AP1G1: variants seen among roughly 807,000 people sequenced by gnomAD.
AP1G1 encodes the protein AP-1 complex subunit gamma-1.
In AP1G1, 7 loss-of-function variants were observed where a neutral mutation model predicts 108.3. The observed-to-expected ratio is 0.06, with a 90% CI of 0.04 to 0.12. The LOEUF (loss-of-function observed/expected upper bound fraction) is 0.12. Among genes scored for constraint, AP1G1 ranks in the 10% least tolerant of loss-of-function variants. AP1G1 has a pLI of 1.00. For synonymous variants in AP1G1, 379 were observed against 353.5 expected (o/e 1.07, Z -0.81); for missense variants, 756 against 1,010.7 (o/e 0.75, Z 3.42).
Position 71,739,421 on chromosome 16 carries a change from C to T in AP1G1, c.2000-80G>A, listed in dbSNP as rs1461657834. 1.0e-5 allele frequency: 12 copies of T among 1,143,104 alleles called. 1 individual carries two copies. Among genetic ancestry groups the T allele is most frequent in the South Asian group, 1.0e-4 (6 of 59,068 alleles). The allele number at this position is 1,143,104 out of a possible 1,614,324, so 70.8% of individuals were successfully genotyped here. On this transcript the variant is annotated intron_variant, in intron 19 of 22. Coordinates refer to ENST00000299980, the MANE Select transcript of AP1G1 (RefSeq NM_001128.6). ...CAAGAAATTATAGGGAAAATTATTT[C>T]GGTCTCAGGTTAAGGAAAGATTCCT... is the stretch of plus-strand genomic sequence containing the variant.
intron 5 of AP1G1, 138 bp from the exon 6 acceptor site, chr16:71,769,837 A>G (rs1331909898): frequency 1.6e-6 from 1 of 620,830 alleles, no homozygotes; most frequent in Non-Finnish European, 2.9e-6. Flanking sequence ...GCATCTAAGC[A>G]TTGAAGTGAA....
At chr16:71,808,035 G>C in intron 1 of AP1G1, 1 of 1,199,764 alleles carries the variant, frequency 8.3e-7, no homozygotes, top group Admixed American at 3.5e-5. Flanking sequence ...TGGTTCGATG[G>C]ATCTCCTACA....
chr16:71,807,712 C>T, intron 1 of AP1G1: 3 of 880,730 alleles, frequency 3.4e-6, no homozygotes, highest in Non-Finnish European at 4.9e-6. Flanking sequence ...TGTACAAACA[C>T]TTCAAAGTTA....
rs113453934 is a variant in AP1G1, at chr16:71,759,504, T to C, written c.975-583A>G. Reference sequence around the variant, plus strand: ...GACTGGGCGCGGTGGCTCATGCCTATAATCCCAGCACTTTGGGAGGCCCAG... The same window carrying C: ...GACTGGGCGCGGTGGCTCATGCCTACAATCCCAGCACTTTGGGAGGCCCAG... On this transcript the variant is annotated intron_variant, in intron 10 of 22. Transcript: ENST00000299980. Among the ~76,000 whole-genome samples the C allele has an allele frequency of 8.9e-4, 132 of 149,136 alleles. 1 individual carries two copies. Among genetic ancestry groups the C allele is most frequent in the African/African-American group, 3.1e-3 (124 of 40,402 alleles).
At chr16:71,766,553 C>T in intron 6 of AP1G1, 1 of 373,764 alleles carries the variant, frequency 2.7e-6, no homozygotes, top group South Asian at 2.0e-5. Context: ...ACTCTAATGA[C>T]CAAAAATTAA....
At chr16:71,793,215 C>A (rs1430688031) in intron 1 of AP1G1, among the ~76,000 whole-genome samples, 1 of 152,120 alleles carries the variant, frequency 6.6e-6, no homozygotes, top group African/African-American at 2.4e-5. Context: ...TAATAAACTC[C>A]AACCTTTTTT....
At chr16:71,807,777 A>G in intron 1 of AP1G1, 1 of 1,283,378 alleles carries the variant, frequency 7.8e-7, no homozygotes, top group Non-Finnish European at 1.0e-6. Context: ...ACTGTAAAGC[A>G]GCCCAACTCT....
At chr16:71,741,764 A>G (rs1254342721) in intron 19 of AP1G1, among the ~76,000 whole-genome samples, 1 of 152,222 alleles carries the variant, frequency 6.6e-6, no homozygotes, top group Non-Finnish European at 1.5e-5. Flanking sequence ...TCAAATCGAG[A>G]AAATTTCCCC....
chr16:71,808,640 C>T, intron 1 of AP1G1, 123 bp downstream of exon 1: 3 of 1,289,794 alleles, frequency 2.3e-6, no homozygotes, highest in Non-Finnish European at 3.0e-6. Flanking sequence ...TCTGTCTTCT[C>T]TTCTCAACAC....
At chr16:71,736,040 A>T (rs2045530986) in intron 21 of AP1G1, among the ~76,000 whole-genome samples, 1 of 139,722 alleles carries the variant, frequency 7.2e-6, no homozygotes, top group African/African-American at 2.7e-5. Context: ...CTGAGGCAAG[A>T]GATTTGCTTG....
chr16:71,755,276 C>A (rs1044774297), intron 12 of AP1G1, among the ~76,000 whole-genome samples: 25 of 152,028 alleles, frequency 1.6e-4, no homozygotes, highest in African/African-American at 5.5e-4. Flanking sequence ...AAGAAAAAAA[C>A]AAACCCAGAA....
chr16:71,792,886 G>C (rs948429102), intron 1 of AP1G1, among the ~76,000 whole-genome samples: 1 of 151,900 alleles, frequency 6.6e-6, no homozygotes, highest in African/African-American at 2.4e-5. Context: ...TTACAAGTGA[G>C]GCTGGGCACG....
rs2045489907 is a variant in AP1G1, at chr16:71,733,136, C to T, written c.2391G>A (p.Lys797=). The change falls in exon 23 of 23, where the codon AAG becomes AAA. Residue 797 remains lysine, a synonymous_variant. Transcript: ENST00000299980. ...CTGAGCCCTTGTGATTATATGTAAG[C>T]TTGATCCGCATTCGCAGCTGTTGCT... ...PQKQQLRMRI[K]LTYNHKGSAM... The T allele has an allele frequency of 6.2e-7, 1 of 1,613,980 alleles. No homozygotes were observed. Among genetic ancestry groups the T allele is most frequent in the African/African-American group, 1.3e-5 (1 of 74,924 alleles).
chr16:71,770,649 G>A (rs1479789579), intron 5 of AP1G1, among the ~76,000 whole-genome samples: 1 of 152,092 alleles, frequency 6.6e-6, no homozygotes, highest in African/African-American at 2.4e-5. Flanking sequence ...AGCTAATTCT[G>A]GTATTTTTTA....
intron 12 of AP1G1, among the ~76,000 whole-genome samples, chr16:71,755,269 A>G (rs1597049682): frequency 6.6e-6 from 1 of 152,020 alleles, no homozygotes; most frequent in Admixed American, 6.6e-5. Flanking sequence ...CTACAAAAAG[A>G]AAAAAACAAA....
chr16:71,734,630 A>G lies in AP1G1; in HGVS notation c.2346T>C (p.Ile782=). 8 of 1,613,620 alleles carry G rather than the reference A, an allele frequency of 5.0e-6. No homozygotes were observed. Among genetic ancestry groups the G allele is most frequent in the Non-Finnish European group, 6.8e-6 (8 of 1,179,544 alleles). The part of the protein sequence containing the change: ...AFNTGTITQV[I]KVLNPQKQQL... The stretch of plus-strand genomic sequence containing the variant: ...TCACCTTCTGAGGGTTCAGAACTTT[A>G]ATGACTTGTGTGATGGTCCCCGTGT... Residue 782 remains isoleucine, a synonymous_variant, in exon 22 of 23, where the codon ATT becomes ATC. Transcript: ENST00000299980.
In AP1G1 at chr16:71,794,173, C is replaced by T. The variant is rs1459130557; in HGVS notation, c.-3-4691G>A. On this transcript the variant is annotated intron_variant, in intron 1 of 22. Transcript: ENST00000299980. ...AATCTTACAGTTCAGATACCATCTG[C>T]CCTTACTAATTTAACTACCTGACCC... Among the ~76,000 whole-genome samples the T allele has an allele frequency of 5.3e-5, 8 of 152,172 alleles. No individual in the cohort carries two copies. In the East Asian group the frequency reaches 1.2e-3, roughly 22 times the overall value.
chr16:71,765,765 A>G lies in AP1G1; in HGVS notation c.643-181T>C, dbSNP rs1425538941. 1.3e-5 allele frequency: 7 copies of G among 541,450 alleles called. No homozygotes were observed. The East Asian group carries it at 2.3e-4, about 18-fold the overall frequency. The allele number at this position is 541,450 out of a possible 1,614,324, so 33.5% of individuals were successfully genotyped here. A position where few individuals can be genotyped will look rare whatever the true frequency, so the allele number is the denominator to read the frequency against. On this transcript the variant is annotated intron_variant, in intron 6 of 22. Transcript: ENST00000299980. The stretch of plus-strand genomic sequence containing the variant: ...TAGGAGTAACTTAGGGCAATATTCA[A>G]GAAGTAGTATGTATTTTATCTGGAT...
At chr16:71,759,013 G>GTAT in intron 10 of AP1G1, 92 bp from the exon 11 acceptor site, 1 of 693,476 alleles carries the variant, frequency 1.4e-6, no homozygotes, top group Non-Finnish European at 2.4e-6. Context: ...GACGTCTAAT[G>GTAT]GATAAGAGAA....
Sources: gnomAD v4.1 joint callset for allele counts (sites outside exome capture counted in the v4.1 genomes callset) on GRCh38, gnomAD v4.1.1 for gene constraint, MANE v1.5 for transcripts, NCBI Gene and HGNC (gene_info 2026-07-23, HGNC 2026-07-21) for gene names.